The following MBD3L1 variants were observed in gnomAD, a reference collection of about 807,000 sequenced individuals.
MBD3L1 encodes methyl-CpG binding domain protein 3 like 1.
For missense variants in MBD3L1, 203 were observed against 230.1 expected (o/e 0.88, Z 0.76); for synonymous variants, 84 against 85.1 (o/e 0.99, Z 0.07).
chr19:8,835,325 T>G (rs978618460), intron 1 of MBD3L1, among the ~76,000 whole-genome samples: 1 of 152,172 alleles, frequency 6.6e-6, no homozygotes, highest in African/African-American at 2.4e-5. Flanking sequence ...GTGCTGGGAT[T>G]ACAGGTGTGA....
chr19:8,832,670 G>A (rs2044391732), intron 1 of MBD3L1, 148 bp downstream of exon 1: 1 of 153,198 alleles, frequency 6.5e-6, no homozygotes, highest in Non-Finnish European at 1.5e-5. Flanking sequence ...GAGGCTGATT[G>A]GGCAGAGACC....
At position 8,838,034 on chromosome 19, in the gene MBD3L1, A is replaced by C. The variant is rs1045847814; in HGVS notation, c.-106-2881A>C. Among the ~76,000 whole-genome samples, 8 of 151,774 alleles carry C rather than the reference A, an allele frequency of 5.3e-5. 1 individual carries two copies. The highest frequency in any genetic ancestry group is 1.3e-4 in the Admixed American group (2 of 15,208). ...GAGGCCGAGGCGGGCGGATCATGAC[A>C]TCAAGAGATTGAGACCATCCTGGAT... is the stretch of plus-strand genomic sequence containing the variant. On this transcript the variant is annotated intron_variant, in intron 1 of 2. Transcript: ENST00000595891.
chr19:8,834,133 A>G (rs1462929401), intron 1 of MBD3L1, among the ~76,000 whole-genome samples: 1 of 152,224 alleles, frequency 6.6e-6, no homozygotes, highest in Non-Finnish European at 1.5e-5. Context: ...TGTTTCATGC[A>G]CCCGTCCTTT....
intron 1 of MBD3L1, among the ~76,000 whole-genome samples, chr19:8,838,501 G>A (rs1435986391): frequency 6.6e-6 from 1 of 152,058 alleles, no homozygotes; most frequent in Non-Finnish European, 1.5e-5. Context: ...CAGAACACAG[G>A]CTGTCTGGTG....
chr19:8,837,856 G>A (rs897221905), intron 1 of MBD3L1, among the ~76,000 whole-genome samples: 1 of 152,058 alleles, frequency 6.6e-6, no homozygotes, highest in Non-Finnish European at 1.5e-5. Flanking sequence ...AGAGAAGGAG[G>A]TAAAGAAACT....
At chr19:8,838,252 C>CAGAAAAAA (rs2044474829) in intron 1 of MBD3L1, among the ~76,000 whole-genome samples, 1 of 11,832 alleles carries the variant, frequency 8.5e-5, no homozygotes, top group Admixed American at 1.8e-3. Context: ...GACTCCATCT[C>CAGAAAAAA]AAAAAAAAAA....
intron 1 of MBD3L1, among the ~76,000 whole-genome samples, chr19:8,836,065 AT>A (rs1368681257): frequency 2.0e-5 from 3 of 152,208 alleles, no homozygotes; most frequent in Admixed American, 6.5e-5. Flanking sequence ...ATAAGATTAG[AT>A]AGTGGTGACG....
chr19:8,842,598 G>A, intron 2 of MBD3L1, 60 bp from the exon 3 acceptor site: 2 of 1,246,938 alleles, frequency 1.6e-6, no homozygotes, highest in Non-Finnish European at 2.3e-6. Context: ...TGAGATCCTT[G>A]TCCTGAGAAG....
intron 1 of MBD3L1, 39 bp from the exon 2 acceptor site, chr19:8,840,876 G>A (rs2044505288): frequency 6.6e-6 from 1 of 152,082 alleles, no homozygotes. Context: ...ATTTATAGTG[G>A]CACTAAGACG....
At chr19:8,841,484 T>C (rs2145356465) in intron 2 of MBD3L1, among the ~76,000 whole-genome samples, 1 of 152,308 alleles carries the variant, frequency 6.6e-6, no homozygotes, top group Middle Eastern at 3.4e-3. Flanking sequence ...CAAGAACAGG[T>C]ATCTATGGTA....
intron 1 of MBD3L1, among the ~76,000 whole-genome samples, chr19:8,833,892 G>C (rs764875908): frequency 6.6e-6 from 1 of 152,160 alleles, no homozygotes; most frequent in Non-Finnish European, 1.5e-5. Context: ...GGAGGCTGAG[G>C]CAGGAGAATA....
rs1247929155 is a variant in MBD3L1, at chr19:8,832,522, G to A, written c.-107G>A. 1 of 153,096 alleles carries A rather than the reference G, an allele frequency of 6.5e-6. No individual in the cohort carries two copies. The highest frequency in any genetic ancestry group is 2.4e-5 in the African/African-American group (1 of 41,470). The allele number at this position is 153,096 out of a possible 1,614,324, so 9.5% of individuals were successfully genotyped here. A position where few individuals can be genotyped will look rare whatever the true frequency, so the allele number is the denominator to read the frequency against. ...GGCCCTGGCCTGGGGCAGTAGCGGG[G>A]GTAAGGTTGGCCCTGGGGGCGGGGC... On this transcript the variant is annotated splice_region_variant and 5_prime_UTR_variant, in exon 1 of 3. It adds an upstream start codon to the 5' untranslated region. Coordinates refer to ENST00000595891, the MANE Select transcript of MBD3L1 (RefSeq NM_001393532.1).
At chr19:8,837,951 G>A (rs939190401) in intron 1 of MBD3L1, among the ~76,000 whole-genome samples, 1 of 151,924 alleles carries the variant, frequency 6.6e-6, no homozygotes, top group African/African-American at 2.4e-5. Flanking sequence ...ATTCTACCCA[G>A]AAGATCAGCA....
chr19:8,837,678 T>G (rs2044468779), intron 1 of MBD3L1, among the ~76,000 whole-genome samples: 1 of 152,182 alleles, frequency 6.6e-6, no homozygotes, highest in South Asian at 2.1e-4. Context: ...GACAAGTTCT[T>G]GCTTTCCCAC....
At chr19:8,836,800 A>G (rs898961887) in intron 1 of MBD3L1, among the ~76,000 whole-genome samples, 1 of 152,232 alleles carries the variant, frequency 6.6e-6, no homozygotes, top group African/African-American at 2.4e-5. Context: ...GCTTAAGTGT[A>G]TCTTAATTTT....
intron 1 of MBD3L1, among the ~76,000 whole-genome samples, chr19:8,838,561 C>T (rs1054944361): frequency 1.3e-4 from 20 of 152,302 alleles, no homozygotes; most frequent in African/African-American, 4.3e-4. Context: ...AGATGGCATG[C>T]CACACACAAT....
chr19:8,833,420 T>G (rs923575716), intron 1 of MBD3L1: 1 of 152,256 alleles, frequency 6.6e-6, no homozygotes, highest in African/African-American at 2.4e-5. Flanking sequence ...TCAGTTCTTT[T>G]GCTCAGAGGC....
At chr19:8,838,232 G>A (rs927338491) in intron 1 of MBD3L1, among the ~76,000 whole-genome samples, 3 of 95,648 alleles carry the variant, frequency 3.1e-5, no homozygotes, top group Admixed American at 1.7e-4. Context: ...CAGCCTGGAC[G>A]ACAGAGCAAG....
intron 1 of MBD3L1, among the ~76,000 whole-genome samples, chr19:8,836,293 AG>A (rs1298555295): frequency 1.3e-5 from 2 of 152,182 alleles, no homozygotes; most frequent in Non-Finnish European, 2.9e-5. Flanking sequence ...AAATAATAGA[AG>A]AAAAGTGGAA....
Sources: gnomAD v4.1 joint callset for allele counts (sites outside exome capture counted in the v4.1 genomes callset) on GRCh38, gnomAD v4.1.1 for gene constraint, MANE v1.5 for transcripts, NCBI Gene and HGNC (gene_info 2026-07-23, HGNC 2026-07-21) for gene names.